Variants in AFG2A observed in about 807,000 individuals in gnomAD.
AFG2A encodes the protein AAA ATPase AFG2A, also known as ATPase family gene 2 protein homolog A.
chr4:123,012,850 C>A, the AFG2A span, among the ~76,000 whole-genome samples: 1 of 151,960 alleles, frequency 6.6e-6, no homozygotes, highest in Non-Finnish European at 1.5e-5. Context: ...AGTCTGAGGA[C>A]CAGAGGTCGT....
At chr4:122,988,220 G>A in the AFG2A span, among the ~76,000 whole-genome samples, 3 of 150,870 alleles carry the variant, frequency 2.0e-5, no homozygotes, top group Admixed American at 6.6e-5. Flanking sequence ...AAAATTTGTT[G>A]ACTTTTGAGA....
At chr4:123,203,935 C>G in the AFG2A span, among the ~76,000 whole-genome samples, 1 of 152,184 alleles carries the variant, frequency 6.6e-6, no homozygotes, top group Non-Finnish European at 1.5e-5. Context: ...TTTCTGAAGG[C>G]TTTAGAGAAG....
chr4:122,945,510 A>T, the AFG2A span, among the ~76,000 whole-genome samples: 2 of 152,058 alleles, frequency 1.3e-5, no homozygotes, highest in Admixed American at 1.3e-4. Context: ...GCGCGGTATT[A>T]GGGTGGGAGT....
the AFG2A span, among the ~76,000 whole-genome samples, chr4:123,140,788 A>G: frequency 6.6e-6 from 1 of 152,152 alleles, no homozygotes; most frequent in African/African-American, 2.4e-5. Flanking sequence ...AAAATTTTAC[A>G]TTTAAGTTCA....
At chr4:123,072,140 T>C in the AFG2A span, among the ~76,000 whole-genome samples, 18 of 152,192 alleles carry the variant, frequency 1.2e-4, no homozygotes, top group Admixed American at 7.9e-4. Flanking sequence ...AGTTGTGGAA[T>C]CTTAAGCCAT....
chr4:123,316,234 C>T, the AFG2A span: 1 of 152,194 alleles, frequency 6.6e-6, no homozygotes, highest in Non-Finnish European at 1.5e-5. Context: ...ACTGTGTTGT[C>T]AAATACAATA....
At chr4:123,280,924 T>G in the AFG2A span, among the ~76,000 whole-genome samples, 1 of 152,146 alleles carries the variant, frequency 6.6e-6, no homozygotes, top group Non-Finnish European at 1.5e-5. Context: ...GTATTGTATT[T>G]GCCTTAATAA....
At chr4:123,098,696 T>A in the AFG2A span, among the ~76,000 whole-genome samples, 4 of 152,022 alleles carry the variant, frequency 2.6e-5, no homozygotes, top group Non-Finnish European at 5.9e-5. Context: ...ATGACAGGAT[T>A]TCCTTTTAAT....
At chr4:123,008,543 T>A in the AFG2A span, among the ~76,000 whole-genome samples, 41 of 152,350 alleles carry the variant, frequency 2.7e-4, no homozygotes, top group East Asian at 3.1e-3. Context: ...TATTTAATGA[T>A]TTACAGCCAT....
At chr4:122,999,988 G>A in the AFG2A span, among the ~76,000 whole-genome samples, 24,451 of 151,970 alleles carry the variant, frequency 0.16, 2,420 homozygotes, top group East Asian at 0.45. Context: ...CTTGAGCAGT[G>A]GTTTGTAGTT....
the AFG2A span, among the ~76,000 whole-genome samples, chr4:123,113,684 G>A: frequency 6.6e-6 from 1 of 152,184 alleles, no homozygotes; most frequent in Non-Finnish European, 1.5e-5. Flanking sequence ...GCCTGATTTT[G>A]TTATGGGATC....
chr4:122,945,312 C>T, the AFG2A span, among the ~76,000 whole-genome samples: 19 of 152,336 alleles, frequency 1.2e-4, no homozygotes, highest in South Asian at 1.9e-3. Context: ...TTCCGGGCTG[C>T]GGCTGCTTTG....
At chr4:122,992,880 A>C in the AFG2A span, among the ~76,000 whole-genome samples, 1 of 152,052 alleles carries the variant, frequency 6.6e-6, no homozygotes. Flanking sequence ...GGAATATGCT[A>C]ATATTCATTG....
chr4:122,951,972 G>T, the AFG2A span, among the ~76,000 whole-genome samples: 15 of 152,314 alleles, frequency 9.8e-5, no homozygotes, highest in African/African-American at 3.6e-4. Flanking sequence ...GGCTATTAAT[G>T]TGCTCCTTTG....
the AFG2A span, among the ~76,000 whole-genome samples, chr4:123,134,343 A>T: frequency 6.6e-6 from 1 of 152,186 alleles, no homozygotes; most frequent in East Asian, 1.9e-4. Context: ...GCTCGTCATC[A>T]CTTATTGTAG....
chr4:122,923,394 CT>C, the AFG2A span: 1 of 1,546,658 alleles, frequency 6.5e-7, no homozygotes, highest in South Asian at 1.2e-5. Context: ...GGTGCAGAGA[CT>C]TTTGAAAGTT....
At chr4:122,932,032 T>C in the AFG2A span, among the ~76,000 whole-genome samples, 7 of 152,076 alleles carry the variant, frequency 4.6e-5, no homozygotes, top group East Asian at 1.4e-3. Context: ...TTTGGGAGGC[T>C]GAGGTGGGTG....
At chr4:123,148,020 A>G in the AFG2A span, among the ~76,000 whole-genome samples, 24 of 152,186 alleles carry the variant, frequency 1.6e-4, no homozygotes, top group Non-Finnish European at 3.1e-4. Flanking sequence ...GTACAAATTC[A>G]AGGAGAAAAA....
At chr4:123,181,276 G>A in the AFG2A span, among the ~76,000 whole-genome samples, 3 of 151,666 alleles carry the variant, frequency 2.0e-5, no homozygotes, top group East Asian at 1.9e-4. Flanking sequence ...GAGCCACTGC[G>A]CCCGGCCCTC....
Sources: allele counts gnomAD v4.1 joint callset (sites outside exome capture counted in the v4.1 genomes callset), GRCh38; gene constraint gnomAD v4.1.1; transcripts MANE v1.5; gene names NCBI Gene and HGNC (gene_info 2026-07-23, HGNC 2026-07-21).